MEI1: variants seen among roughly 807,000 people sequenced by gnomAD.
The protein encoded by MEI1 is meiotic double-stranded break formation protein 1.
In MEI1, 103 loss-of-function variants were observed where a neutral mutation model predicts 146.2. The observed-to-expected ratio is 0.70, with a 90% CI of 0.60 to 0.83. MEI1 has a LOEUF of 0.83. Among genes scored for constraint, MEI1 ranks in the 40% least tolerant of loss-of-function variants. The pLI is 0.00. For missense variants in MEI1, 1,529 were observed against 1,533.0 expected (o/e 1.00, Z 0.04); for synonymous variants, 652 against 628.2 (o/e 1.04, Z -0.57).
At chr22:41,749,567 G>A (rs763996653) in intron 15 of MEI1, among the ~76,000 whole-genome samples, 1 of 152,156 alleles carries the variant, frequency 6.6e-6, no homozygotes, top group Non-Finnish European at 1.5e-5. Flanking sequence ...GAGCCACCAC[G>A]CCTGGCCTGG....
chr22:41,759,096 T>G (rs1414646912), intron 18 of MEI1, among the ~76,000 whole-genome samples: 3 of 152,168 alleles, frequency 2.0e-5, no homozygotes, highest in Non-Finnish European at 4.4e-5. Flanking sequence ...TGAGCCAAGA[T>G]TGTGCCACTG....
rs752711532 is a variant in MEI1 at position 41,781,785 on chromosome 22, C to T, written c.3027C>T (p.Leu1009=). Residue 1009 remains leucine (L), a synonymous_variant, in exon 24 of 31, where the codon CTC becomes CTT. Coordinates refer to ENST00000401548, the MANE Select transcript of MEI1 (RefSeq NM_152513.4). ...CAGATTCTCCCAGGACTGCACTCCT[C>T]TGCTCTGCCTGGCTGCTCACTGCCT... ...AKADSPRTAL[L]CSAWLLTASF... is the part of the protein sequence containing the mutation. 2 of 1,614,018 alleles carry T rather than the reference C, an allele frequency of 1.2e-6. No homozygotes were observed. Among genetic ancestry groups the T allele is most frequent in the East Asian group, 2.2e-5 (1 of 44,880 alleles).
chr22:41,761,812 C>A (rs1254935265), intron 18 of MEI1, among the ~76,000 whole-genome samples: 1 of 152,312 alleles, frequency 6.6e-6, no homozygotes, highest in African/African-American at 2.4e-5. Context: ...TGGCAATCAA[C>A]AATCTGTTCT....
chr22:41,718,980 T>G (rs2070473782), intron 6 of MEI1, among the ~76,000 whole-genome samples: 6 of 102,626 alleles, frequency 5.8e-5, no homozygotes, highest in African/African-American at 5.6e-4. Flanking sequence ...CAAGTGATTC[T>G]TTTTTTTTTT....
chr22:41,722,467 A>ATTT (rs749033326), intron 6 of MEI1, among the ~76,000 whole-genome samples: 43 of 127,586 alleles, frequency 3.4e-4, no homozygotes, highest in Non-Finnish European at 5.4e-4. Context: ...CAGCATTTTA[A>ATTT]TTTTTTTTTT....
chr22:41,784,871 G>T, intron 26 of MEI1, 88 bp downstream of exon 26: 1 of 897,586 alleles, frequency 1.1e-6, no homozygotes, highest in Non-Finnish European at 1.5e-6. Flanking sequence ...ACTCCTACCA[G>T]GGCTTGGAGG....
chr22:41,709,782 A>G (rs898004563), intron 3 of MEI1, among the ~76,000 whole-genome samples: 1 of 152,112 alleles, frequency 6.6e-6, no homozygotes, highest in Non-Finnish European at 1.5e-5. Context: ...CAGGTAGTAG[A>G]ATAATCCCTT....
chr22:41,781,448 T>C, intron 23 of MEI1, 54 bp downstream of exon 23: 1 of 1,433,688 alleles, frequency 7.0e-7, no homozygotes, highest in South Asian at 1.2e-5. Flanking sequence ...TGTGGTCCTC[T>C]GTATCTCAAC....
intron 18 of MEI1, among the ~76,000 whole-genome samples, chr22:41,759,073 A>G (rs1428248917): frequency 1.3e-5 from 2 of 151,940 alleles, no homozygotes; most frequent in Non-Finnish European, 2.9e-5. Flanking sequence ...AACCCAGGAG[A>G]CAGAGGTTGC....
chr22:41,794,420 C>G lies in MEI1; in HGVS notation c.3477C>G (p.Leu1159=). ...QPWNRFLLFT[L]LDAGENSFLR... is the part of the protein sequence containing the mutation. ...GGAATCGGTTTTTGCTGTTTACCCT[C>G]TTGGATGCTGGAGAGAATTCCTTCC... Residue 1159 remains leucine (L), a synonymous_variant, in exon 28 of 31, where the codon CTC becomes CTG. Coordinates refer to ENST00000401548, the MANE Select transcript of MEI1 (RefSeq NM_152513.4). 1 of 1,614,002 alleles carries G rather than the reference C, an allele frequency of 6.2e-7. No individual in the cohort carries two copies. The highest frequency in any genetic ancestry group is 2.2e-5 in the East Asian group (1 of 44,880).
chr22:41,776,504 C>T (rs2075443107), intron 21 of MEI1, among the ~76,000 whole-genome samples: 2 of 152,242 alleles, frequency 1.3e-5, no homozygotes, highest in Non-Finnish European at 2.9e-5. Flanking sequence ...TTGATGTGTG[C>T]ATGCATATCC....
In MEI1 at chr22:41,718,208, C is replaced by G. The variant is rs1171232772; in HGVS notation, c.667C>G (p.Leu223Val). 1 of 1,613,896 alleles carries G rather than the reference C, an allele frequency of 6.2e-7. No individual in the cohort carries two copies. Among genetic ancestry groups the G allele is most frequent in the African/African-American group, 1.3e-5 (1 of 74,930 alleles). Residue 223 changes from leucine to valine, a missense_variant, in exon 6 of 31, where the codon CTT becomes GTT. By Grantham distance (32) the Leu-to-Val change is conservative. Coordinates refer to ENST00000401548, the MANE Select transcript of MEI1 (RefSeq NM_152513.4). ...EMLSGHFREKLFPLFLSILDG... is the reference protein window; with the variant it reads ...EMLSGHFREKVFPLFLSILDG... ...GCTTTCAGGACACTTCCGTGAGAAG[C>G]TTTTTCCCCTCTTCCTTTCCATCCT...
At chr22:41,726,286 G>A (rs77189776) in intron 7 of MEI1, among the ~76,000 whole-genome samples, 9 of 152,078 alleles carry the variant, frequency 5.9e-5, no homozygotes, top group African/African-American at 2.2e-4. Flanking sequence ...TTTAAATGTC[G>A]GTCATCAAGT....
chr22:41,775,997 G>A (rs2075419343), intron 20 of MEI1, 105 bp from the exon 21 acceptor site: 6 of 1,183,060 alleles, frequency 5.1e-6, no homozygotes, highest in Non-Finnish European at 2.4e-6. Flanking sequence ...CCCAGTTTTT[G>A]TGACATCATA....
intron 7 of MEI1, among the ~76,000 whole-genome samples, chr22:41,726,490 A>G (rs1210591395): frequency 6.6e-6 from 1 of 152,370 alleles, no homozygotes; most frequent in Non-Finnish European, 1.5e-5. Context: ...ACTGAAGTGT[A>G]ATGAAATTTA....
At chr22:41,758,315 T>C (rs1468900667) in intron 17 of MEI1, 50 bp from the exon 18 acceptor site, 1 of 1,565,652 alleles carries the variant, frequency 6.4e-7, no homozygotes, top group Non-Finnish European at 8.7e-7. Context: ...GCTGATTACC[T>C]GTTCTTCTAT....
At chr22:41,796,143 T>G (rs898975851) in intron 30 of MEI1, among the ~76,000 whole-genome samples, 2 of 152,120 alleles carry the variant, frequency 1.3e-5, no homozygotes, top group Non-Finnish European at 2.9e-5. Flanking sequence ...AATATTAAGT[T>G]CCTACAGAAA....
chr22:41,725,261 A>G (rs928240623), intron 7 of MEI1, among the ~76,000 whole-genome samples: 2 of 151,944 alleles, frequency 1.3e-5, no homozygotes, highest in Non-Finnish European at 2.9e-5. Flanking sequence ...ACAGGCGCCA[A>G]GCCACCATGC....
At chr22:41,730,154 C>T (rs1345657924) in intron 8 of MEI1, among the ~76,000 whole-genome samples, 3 of 152,050 alleles carry the variant, frequency 2.0e-5, no homozygotes, top group East Asian at 1.9e-4. Context: ...AATTGGCAGG[C>T]CTAGTCATTG....
Sources: gnomAD v4.1 joint callset for allele counts (sites outside exome capture counted in the v4.1 genomes callset) on GRCh38, gnomAD v4.1.1 for gene constraint, MANE v1.5 for transcripts, NCBI Gene and HGNC (gene_info 2026-07-23, HGNC 2026-07-21) for gene names.